RBFOX2: variants seen among roughly 807,000 people sequenced by gnomAD.
The protein encoded by RBFOX2 is RNA binding fox-1 homolog 2.
In RBFOX2, 10 loss-of-function variants were observed where a neutral mutation model predicts 49.1. The ratio of observed to expected loss-of-function variants is 0.20; its 90% CI spans 0.13 to 0.35. The LOEUF (loss-of-function observed/expected upper bound fraction) is 0.35. Ranked by LOEUF, RBFOX2 falls within the 10% of genes least tolerant of loss-of-function variation. The pLI, the probability that RBFOX2 is intolerant of heterozygous loss-of-function variation, is 1.00. For synonymous variants in RBFOX2, 183 were observed against 187.4 expected, an observed-to-expected ratio of 0.98 and a Z score of 0.19; for missense variants, 323 against 486.9, an observed-to-expected ratio of 0.66 and a Z score of 3.17.
In RBFOX2 at chr22:35,767,530, T is replaced by C. The variant is rs189320598; in HGVS notation, c.546+727A>G. Reference sequence around the variant, plus strand: ...CTTTTACATTTAATACTTTAAAAAATTGGGAAAGGGGAAAGGAGCCAGTTA... The same window carrying C: ...CTTTTACATTTAATACTTTAAAAAACTGGGAAAGGGGAAAGGAGCCAGTTA... On this transcript the variant is annotated intron_variant, in intron 5 of 11. Coordinates refer to ENST00000405409, the Ensembl canonical transcript of RBFOX2. Among the ~76,000 whole-genome samples the C allele has an allele frequency of 2.0e-3, 308 of 152,076 alleles. 1 individual carries two copies. Among genetic ancestry groups the C allele is most frequent in the Non-Finnish European group, 3.6e-3 (248 of 67,968 alleles).
At chr22:35,796,987 G>A (rs1948902685) in intron 2 of RBFOX2, among the ~76,000 whole-genome samples, 3 of 152,084 alleles carry the variant, frequency 2.0e-5, no homozygotes, top group Admixed American at 1.3e-4. Flanking sequence ...AGAAAATGGT[G>A]TATAATGTAA....
intron 1 of RBFOX2, among the ~76,000 whole-genome samples, chr22:35,858,826 C>CAAAAAAA (rs771614258): frequency 1.9e-5 from 1 of 53,738 alleles, no homozygotes. Flanking sequence ...GACTCTGTCT[C>CAAAAAAA]AAAAAAAAAA....
At chr22:35,954,242 T>C (rs967032410) in intron 1 of RBFOX2, among the ~76,000 whole-genome samples, 16 of 152,086 alleles carry the variant, frequency 1.1e-4, no homozygotes, top group Admixed American at 1.0e-3. Flanking sequence ...TGTACTTAAC[T>C]AGAAAAAAAT....
At position 35,989,121 on chromosome 22, in the gene RBFOX2, T is replaced by C. The variant is rs144189903; in HGVS notation, c.186+39119A>G. Among the ~76,000 whole-genome samples, 7 of 152,338 alleles carry C rather than the reference T, an allele frequency of 4.6e-5. 1 individual carries two copies. The highest frequency in any genetic ancestry group is 1.7e-4 in the African/African-American group (7 of 41,580). On this transcript the variant is annotated intron_variant, in intron 1 of 13. Transcript: ENST00000438146. ...CACAGATGCACACTGAGCAGGTGGA[T>C]ACAGACATCCTAAGTGCAGGAAAGA... is the stretch of plus-strand genomic sequence containing the variant.
At chr22:35,926,980 C>A (rs762486533) in intron 1 of RBFOX2, among the ~76,000 whole-genome samples, 6 of 152,206 alleles carry the variant, frequency 3.9e-5, no homozygotes, top group Non-Finnish European at 7.3e-5. Flanking sequence ...ATTTTTAAGA[C>A]TTTAATCCTT....
intron 1 of RBFOX2, among the ~76,000 whole-genome samples, chr22:35,908,446 A>G (rs979704279): frequency 2.0e-4 from 31 of 152,256 alleles, no homozygotes; most frequent in Admixed American, 1.6e-3. Flanking sequence ...AAATCATTTA[A>G]CACAATGCCT....
chr22:35,825,089 ATGTGCC>A (rs1444372663), intron 1 of RBFOX2, among the ~76,000 whole-genome samples: 2 of 152,218 alleles, frequency 1.3e-5, no homozygotes, highest in East Asian at 1.9e-4. Context: ...GCATGGTGGC[ATGTGCC>A]TGTAGTCCCA....
At chr22:35,762,005 CATTGG>C (rs1387489869) in intron 6 of RBFOX2, among the ~76,000 whole-genome samples, 1 of 152,040 alleles carries the variant, frequency 6.6e-6, no homozygotes, top group Non-Finnish European at 1.5e-5. Flanking sequence ...TCGGATTTAC[CATTGG>C]GATTTTACTG....
intron 1 of RBFOX2, among the ~76,000 whole-genome samples, chr22:35,902,231 T>A (rs1439167603): frequency 6.6e-6 from 1 of 152,142 alleles, no homozygotes; most frequent in African/African-American, 2.4e-5. Context: ...AGTCCTCCCA[T>A]CCCAACCACT....
At chr22:35,778,429 A>G (rs1316785952) in intron 3 of RBFOX2, among the ~76,000 whole-genome samples, 2 of 152,206 alleles carry the variant, frequency 1.3e-5, no homozygotes, top group Non-Finnish European at 2.9e-5. Context: ...ATAATATACT[A>G]TAGAAGGCTG....
intron 4 of RBFOX2, among the ~76,000 whole-genome samples, chr22:35,774,907 C>T (rs530538916): frequency 6.6e-6 from 1 of 152,104 alleles, no homozygotes; most frequent in South Asian, 2.1e-4. Flanking sequence ...TTAAGTATTG[C>T]TATCTTAGAG....
intron 2 of RBFOX2, among the ~76,000 whole-genome samples, chr22:35,786,677 T>C (rs1474096840): frequency 6.6e-6 from 1 of 152,186 alleles, no homozygotes; most frequent in East Asian, 1.9e-4. Flanking sequence ...CATTATATTG[T>C]ACTTTACATA....
At chr22:35,979,074 G>A (rs536279886) in intron 1 of RBFOX2, among the ~76,000 whole-genome samples, 27 of 152,228 alleles carry the variant, frequency 1.8e-4, no homozygotes, top group East Asian at 3.9e-4. Context: ...AGTGGGATGC[G>A]GGGGACAGCA....
At chr22:35,844,922 C>G (rs1320725734), upstream of RBFOX2, among the ~76,000 whole-genome samples, 1 of 152,008 alleles carries the variant, frequency 6.6e-6, no homozygotes, top group Admixed American at 6.6e-5. Context: ...AGATTCTAGA[C>G]AAAATAATAC....
chr22:36,025,142 T>C (rs1429741102), intron 1 of RBFOX2, among the ~76,000 whole-genome samples: 2 of 152,202 alleles, frequency 1.3e-5, no homozygotes, highest in African/African-American at 2.4e-5. Flanking sequence ...ATAGGGCCTA[T>C]AGATATTTCT....
At chr22:35,840,074 T>C in intron 1 of RBFOX2, 2 of 1,342,780 alleles carry the variant, frequency 1.5e-6, no homozygotes, top group South Asian at 1.2e-5. Context: ...ACAATAAATC[T>C]GGTCTGTTCT....
At chr22:35,803,574 G>C (rs1221905054) in intron 2 of RBFOX2, among the ~76,000 whole-genome samples, 1 of 152,176 alleles carries the variant, frequency 6.6e-6, no homozygotes, top group African/African-American at 2.4e-5. Context: ...CTACTCAGGA[G>C]GCTGAGGCAG....
chr22:35,864,604 T>C (rs1306841446), intron 1 of RBFOX2, among the ~76,000 whole-genome samples: 1 of 152,202 alleles, frequency 6.6e-6, no homozygotes, highest in Non-Finnish European at 1.5e-5. Flanking sequence ...TTAGGATCTA[T>C]TACTTTGATT....
intron 2 of RBFOX2, among the ~76,000 whole-genome samples, chr22:35,801,808 C>G (rs1949842388): frequency 6.6e-6 from 1 of 151,914 alleles, no homozygotes. Flanking sequence ...CTGGGTGACA[C>G]AGTGAGACTC....
Sources: allele counts gnomAD v4.1 joint callset (sites outside exome capture counted in the v4.1 genomes callset), GRCh38; gene constraint gnomAD v4.1.1; transcripts MANE v1.5; gene names NCBI Gene and HGNC (gene_info 2026-07-23, HGNC 2026-07-21).